The following OPA1 variants were observed in gnomAD, a reference collection of about 807,000 sequenced individuals.
OPA1 encodes dynamin-like GTPase OPA1, mitochondrial.
In OPA1, 59 loss-of-function variants were observed where a neutral mutation model predicts 152.9. That is an observed-to-expected ratio of 0.39 (90% CI 0.31 to 0.48). The LOEUF is 0.48. Among genes scored for constraint, OPA1 ranks in the 20% least tolerant of loss-of-function variants. The probability of loss-of-function intolerance (pLI) is 0.96; values close to 1 mark genes in which losing one functional copy is unlikely to be tolerated. For missense variants in OPA1, 1,008 were observed against 1,216.8 expected (o/e 0.83, Z 2.55); for synonymous variants, 400 against 389.9 (o/e 1.03, Z -0.31).
intron 21 of OPA1, among the ~76,000 whole-genome samples, chr3:193,649,963 T>C (rs1273067537): frequency 6.6e-6 from 1 of 152,196 alleles, no homozygotes; most frequent in Admixed American, 6.5e-5. Context: ...TAATACTAGT[T>C]GCCTTGCTAG....
intron 29 of OPA1, among the ~76,000 whole-genome samples, chr3:193,683,813 A>G (rs554254842): frequency 2.6e-5 from 4 of 152,366 alleles, no homozygotes; most frequent in East Asian, 3.9e-4. Flanking sequence ...AATATATTAC[A>G]GTATACTGTA....
At chr3:193,667,304 A>G (rs764523897) in intron 29 of OPA1, 24 bp downstream of exon 29, 46 of 966,830 alleles carry the variant, frequency 4.8e-5, no homozygotes, top group Non-Finnish European at 6.8e-5. Context: ...ACTGCCCTCT[A>G]CCTTACTACC....
intron 11 of OPA1, among the ~76,000 whole-genome samples, chr3:193,639,821 T>G (rs745820627): frequency 6.6e-6 from 1 of 152,148 alleles, no homozygotes; most frequent in Non-Finnish European, 1.5e-5. Context: ...GCTAGGGAAG[T>G]AGCAGTGAAA....
rs777089678 is a variant in OPA1, at chr3:193,643,083, T to C, written c.1305+34T>C. ...TGCAATTCATTTCAGTGACGTTTTATGGAAATTAAATGTTTATGATTTCAA... is the reference window on the plus strand; with the variant it reads ...TGCAATTCATTTCAGTGACGTTTTACGGAAATTAAATGTTTATGATTTCAA... On this transcript the variant is annotated intron_variant, in intron 13 of 30. Transcript: ENST00000361510. 6 of 1,513,630 alleles carry C rather than the reference T, an allele frequency of 4.0e-6. No individual in the cohort carries two copies. In the East Asian group the frequency reaches 1.4e-4, roughly 34 times the overall value. 93.8% of individuals were successfully genotyped at this position (1,513,630 alleles called of 1,614,324 possible).
Position 193,691,813 on chromosome 3 carries a change from G to A in OPA1, c.2984-250G>A, listed in dbSNP as rs6776228. The stretch of plus-strand genomic sequence containing the variant: ...GTACTTAATACATGCTTTTTTCCAT[G>A]TTAAGAGTCCAGAGTTTTTGTTAGA... On this transcript the variant is annotated intron_variant, in intron 29 of 30. Coordinates refer to ENST00000361510, the MANE Select transcript of OPA1 (RefSeq NM_130837.3). 0.016 allele frequency: 6,097 copies of A among 384,692 alleles called. 349 individuals carry two copies. The highest frequency in any genetic ancestry group is 0.11 in the African/African-American group (5,649 of 49,318). 23.8% of individuals were successfully genotyped at this position (384,692 alleles called of 1,614,324 possible). A position where few individuals can be genotyped will look rare whatever the true frequency, so the allele number is the denominator to read the frequency against.
At chr3:193,685,911 G>A (rs6773930) in intron 29 of OPA1, among the ~76,000 whole-genome samples, 3,582 of 152,242 alleles carry the variant, frequency 0.024, 144 homozygotes, top group African/African-American at 0.082. Flanking sequence ...GACTTATCCA[G>A]TTATGAGGTT....
At chr3:193,678,977 AAG>A (rs1380113475) in intron 29 of OPA1, among the ~76,000 whole-genome samples, 1 of 152,078 alleles carries the variant, frequency 6.6e-6, no homozygotes, top group East Asian at 1.9e-4. Flanking sequence ...CTGAAAATTT[AAG>A]AGAAAATAAT....
chr3:193,663,025 TTAC>T, intron 26 of OPA1, 63 bp downstream of exon 26: 1 of 1,523,818 alleles, frequency 6.6e-7, no homozygotes, highest in African/African-American at 1.4e-5. Flanking sequence ...GCAGTAAATG[TTAC>T]TACATGTGTT....
At position 193,643,396 on chromosome 3, in the gene OPA1, C is replaced by A; in HGVS notation, c.1329C>A (p.Gly443=). Residue 443 remains glycine, a synonymous_variant, in exon 14 of 31, where the codon GGC becomes GGA. Transcript: ENST00000361510. Reference sequence around the variant, plus strand: ...AGACCATATCCTTAAATGTAAAAGGCCCTGGACTACAGAGGATGGTGCTTG... The same window carrying A: ...AGACCATATCCTTAAATGTAAAAGGACCTGGACTACAGAGGATGGTGCTTG... ...SPETISLNVK[G]PGLQRMVLVD... is the part of the protein sequence containing the mutation. 2.5e-6 allele frequency: 4 copies of A among 1,610,362 alleles called. No individual in the cohort carries two copies. Among genetic ancestry groups the A allele is most frequent in the Non-Finnish European group, 3.4e-6 (4 of 1,176,680 alleles).
chr3:193,668,868 G>T (rs12494647), intron 29 of OPA1: 80,792 of 1,053,954 alleles, frequency 0.077, 3,261 homozygotes, highest in Admixed American at 0.13. Context: ...AGATCTTTGA[G>T]AACTCAAGGA....
At position 193,695,833 on chromosome 3, in the gene OPA1, C is replaced by T. The variant is rs1448991897; in HGVS notation, c.*1233C>T. 6.6e-6 allele frequency: 1 copy of T among 152,090 alleles called. No homozygotes were observed. The highest frequency in any genetic ancestry group is 1.5e-5 in the Non-Finnish European group (1 of 68,008). 9.4% of individuals were successfully genotyped at this position (152,090 alleles called of 1,614,324 possible). On this transcript the variant is annotated 3_prime_UTR_variant, in exon 31 of 31. Coordinates refer to ENST00000361510, the MANE Select transcript of OPA1 (RefSeq NM_130837.3). ...TTTGGTAACAGCCCCATTGCTACTC[C>T]CCATTTTATTGTTTTACATCAATGC...
chr3:193,618,968 A>G (rs780137912), intron 6 of OPA1, 32 bp downstream of exon 6: 1 of 1,537,760 alleles, frequency 6.5e-7, no homozygotes, highest in South Asian at 1.1e-5. Flanking sequence ...TCATGTAGGT[A>G]GTCTTGAAAG....
Position 193,635,431 on chromosome 3 carries a change from G to T in OPA1, c.857G>T (p.Arg286Ile). The change falls in exon 9 of 31, where the codon AGA becomes ATA. Residue 286 changes from arginine (R) to isoleucine (I), a missense_variant. Around this residue, in one of 7 missense-constraint regions of OPA1, gnomAD observed 408 missense variants for 395.1 expected, o/e 1.03. Coordinates refer to ENST00000361510, the MANE Select transcript of OPA1 (RefSeq NM_130837.3). The part of the protein sequence containing the change: ...ELLHTQLKYQ[R>I]ILERLEKENK... The stretch of plus-strand genomic sequence containing the variant: ...ATTTTATTGCAGTTGAAGTATCAGA[G>T]AATCTTGGAACGATTAGAAAAGGAG... 1 of 1,595,930 alleles carries T rather than the reference G, an allele frequency of 6.3e-7. No individual in the cohort carries two copies. The highest frequency in any genetic ancestry group is 8.6e-7 in the Non-Finnish European group (1 of 1,163,870).
chr3:193,632,199 C>T (rs751739868), intron 8 of OPA1, among the ~76,000 whole-genome samples: 20 of 152,192 alleles, frequency 1.3e-4, no homozygotes, highest in Non-Finnish European at 1.9e-4. Context: ...TACCCTATCA[C>T]AGCCAGGCAC....
intron 29 of OPA1, among the ~76,000 whole-genome samples, chr3:193,683,042 C>T (rs950855741): frequency 6.6e-6 from 1 of 151,808 alleles, no homozygotes; most frequent in Non-Finnish European, 1.5e-5. Flanking sequence ...GCTGTTAAGA[C>T]CATTCAGGAT....
intron 11 of OPA1, among the ~76,000 whole-genome samples, chr3:193,638,516 G>A (rs529037003): frequency 4.9e-4 from 75 of 152,238 alleles, no homozygotes; most frequent in Admixed American, 2.3e-3. Flanking sequence ...TTAATTTTAC[G>A]TAAACACACT....
chr3:193,676,951 A>G (rs1254134697), intron 29 of OPA1, among the ~76,000 whole-genome samples: 11 of 138,390 alleles, frequency 7.9e-5, no homozygotes, highest in African/African-American at 2.7e-4. Context: ...ACTGCACTCC[A>G]GCCTGGGTGA....
At chr3:193,618,845 A>T in intron 5 of OPA1, 24 bp from the exon 6 acceptor site, 1 of 1,593,084 alleles carries the variant, frequency 6.3e-7, no homozygotes, top group Non-Finnish European at 8.6e-7. Context: ...GGAGAATGTA[A>T]AGGGTTGCAT....
chr3:193,618,492 AAAAAG>A (rs1288117107), intron 5 of OPA1: 35 of 211,540 alleles, frequency 1.7e-4, no homozygotes, highest in African/African-American at 4.5e-4. Flanking sequence ...CCCCAAAAAA[AAAAAG>A]AAAAGAAAAA....
Sources: gnomAD v4.1 joint callset for allele counts (sites outside exome capture counted in the v4.1 genomes callset) on GRCh38, gnomAD v4.1.1 for gene constraint, gnomAD v4.1.1 regional missense constraint, MANE v1.5 for transcripts, NCBI Gene and HGNC (gene_info 2026-07-23, HGNC 2026-07-21) for gene names.